The following MRPS18B variants were observed in gnomAD, a reference collection of about 807,000 sequenced individuals.
MRPS18B encodes the protein small ribosomal subunit protein mS40.
In MRPS18B, 27 loss-of-function variants were observed where a neutral mutation model predicts 28.4. That is an observed-to-expected ratio of 0.95 (90% CI 0.70 to 1.31). The LOEUF (loss-of-function observed/expected upper bound fraction) is 1.31, where lower values mean the gene tolerates loss of function less well. Ranked by LOEUF, MRPS18B falls within the 40% of genes most tolerant of loss-of-function variation. The pLI is 0.00. For synonymous variants in MRPS18B, 118 were observed against 123.7 expected (o/e 0.95, Z 0.30); for missense variants, 343 against 335.9 (o/e 1.02, Z -0.17).
chr6:30,617,901 G>T lies in MRPS18B; in HGVS notation c.36G>T (p.Arg12=). 1 of 1,614,212 alleles carries T rather than the reference G, an allele frequency of 6.2e-7. No homozygotes were observed. Among genetic ancestry groups the T allele is most frequent in the Non-Finnish European group, 8.5e-7 (1 of 1,180,040 alleles). The change falls in exon 1 of 7, where the codon CGG becomes CGT. Residue 12 remains arginine, a synonymous_variant. Coordinates refer to ENST00000259873, the MANE Select transcript of MRPS18B (RefSeq NM_014046.4). ...AASVLNTVLR[R]LPMLSLFRGS... is the part of the protein sequence containing the mutation. ...CTGTATTAAACACCGTGCTGAGGCG[G>T]CTTCCTATGCTATCTCTCTTCCGAG...
rs1313242778 is a variant in MRPS18B, at chr6:30,619,562, C to T, written c.148C>T (p.Pro50Ser). 2.5e-6 allele frequency: 4 copies of T among 1,612,960 alleles called. No homozygotes were observed. The highest frequency in any genetic ancestry group is 3.4e-6 in the Non-Finnish European group (4 of 1,179,982). Residue 50 changes from proline (P) to serine (S), a missense_variant, in exon 2 of 7, where the codon CCT (proline) becomes TCT (serine). Coordinates refer to ENST00000259873, the MANE Select transcript of MRPS18B (RefSeq NM_014046.4). Reference sequence around the variant, plus strand: ...TTCTTTGTCCTCAGTTCCCATTTCTCCTTATAAGGATGAGCCCTGGAAATA... The same window carrying T: ...TTCTTTGTCCTCAGTTCCCATTTCTTCTTATAAGGATGAGCCCTGGAAATA... Reference protein sequence around the residue: ...EDSLSSVPISPYKDEPWKYLE... With the variant: ...EDSLSSVPISSYKDEPWKYLE...
chr6:30,624,120 T>C (rs1037813077), intron 5 of MRPS18B, among the ~76,000 whole-genome samples: 2 of 150,362 alleles, frequency 1.3e-5, no homozygotes, highest in Non-Finnish European at 3.0e-5. Flanking sequence ...TGAAATCTCA[T>C]TTACTCTGTC....
At position 30,617,847 on chromosome 6, in the gene MRPS18B, G is replaced by C; in HGVS notation, c.-19G>C. The C allele has an allele frequency of 6.2e-7, 1 of 1,614,086 alleles. No individual in the cohort carries two copies. Among genetic ancestry groups the C allele is most frequent in the Non-Finnish European group, 8.5e-7 (1 of 1,180,044 alleles). ...CGCAGTTGCCTTTCCGTCAATTCCT[G>C]TCCTGGGCGTACGTCAAGATGGCGG... On this transcript the variant is annotated 5_prime_UTR_variant, in exon 1 of 7. Coordinates refer to ENST00000259873, the MANE Select transcript of MRPS18B (RefSeq NM_014046.4).
intron 4 of MRPS18B, 62 bp downstream of exon 4, chr6:30,620,051 C>T (rs781419813): frequency 3.2e-5 from 48 of 1,522,714 alleles, no homozygotes; most frequent in Non-Finnish European, 4.4e-5. Context: ...GGCGCGGTGG[C>T]TCACGCCTGT....
In MRPS18B at chr6:30,622,973, T is replaced by C. The variant is rs868095121; in HGVS notation, c.421+75T>C. On this transcript the variant is annotated intron_variant, in intron 5 of 6. Transcript: ENST00000259873. ...CTTGTTTATGTAGTTGGCCAATAGG[T>C]ATTTGTTCAGTGGCTCCTGCTTATA... 76 of 1,457,824 alleles carry C rather than the reference T, an allele frequency of 5.2e-5. No individual in the cohort carries two copies. The African/African-American group carries it at 7.3e-4, about 14-fold the overall frequency. 90.3% of individuals were successfully genotyped at this position (1,457,824 alleles called of 1,614,324 possible). A position where few individuals can be genotyped will look rare whatever the true frequency, so the allele number is the denominator to read the frequency against.
intron 4 of MRPS18B, among the ~76,000 whole-genome samples, chr6:30,622,289 G>A (rs916697432): frequency 3.3e-5 from 5 of 151,944 alleles, no homozygotes; most frequent in Non-Finnish European, 5.9e-5. Context: ...CAGCCCAGGC[G>A]CGGTGGCTCA....
intron 1 of MRPS18B, among the ~76,000 whole-genome samples, chr6:30,619,079 A>G (rs1317414014): frequency 6.6e-6 from 1 of 151,988 alleles, no homozygotes; most frequent in Non-Finnish European, 1.5e-5. Context: ...CACCACGCCG[A>G]ACTAATTTTT....
rs2302347 is a variant in MRPS18B at position 30,619,836 on chromosome 6, C to G, written c.285+30C>G. 8 of 1,609,806 alleles carry G rather than the reference C, an allele frequency of 5.0e-6. No individual in the cohort carries two copies. The African/African-American group carries it at 1.1e-4, about 22-fold the overall frequency. On this transcript the variant is annotated intron_variant, in intron 3 of 6. Coordinates refer to ENST00000259873, the MANE Select transcript of MRPS18B (RefSeq NM_014046.4). The stretch of plus-strand genomic sequence containing the variant: ...GTTTCTGAGAGTGGGATGTGGAGTG[C>G]GGGGAGGCCACAAGTAACAGTAACA...
At chr6:30,619,439 C>T in intron 1 of MRPS18B, 54 bp from the exon 2 acceptor site, 5 of 1,460,288 alleles carry the variant, frequency 3.4e-6, no homozygotes, top group Non-Finnish European at 4.8e-6. Flanking sequence ...ATAAGCAAAA[C>T]AATTTAGTCC....
In MRPS18B at chr6:30,626,068, C is replaced by A; in HGVS notation, c.*271C>A. 2.4e-6 allele frequency: 1 copy of A among 409,348 alleles called. No homozygotes were observed. 25.4% of individuals were successfully genotyped at this position (409,348 alleles called of 1,614,324 possible). ...GAGTTGCAGTCACACCCCTGCACTC[C>A]AGCCTGGGTGACAGCTAGACCCTGT... On this transcript the variant is annotated 3_prime_UTR_variant, in exon 7 of 7. Transcript: ENST00000259873.
chr6:30,620,296 G>A (rs1761068902), intron 4 of MRPS18B, among the ~76,000 whole-genome samples: 1 of 151,168 alleles, frequency 6.6e-6, no homozygotes, highest in Non-Finnish European at 1.5e-5. Context: ...TAGCCTGGGC[G>A]ACAGAGTGAG....
rs771304582 is a variant in MRPS18B at position 30,624,917 on chromosome 6, G to A, written c.456G>A (p.Gln152=). The change falls in exon 6 of 7, where the codon CAG becomes CAA. Residue 152 remains glutamine (Q), a synonymous_variant. Transcript: ENST00000259873. ...TGAAGCAGCACAAGCGGTTGACCCA[G>A]GCCATCCAGAAAGCCAGGGATCATG... The part of the protein sequence containing the change: ...VCVKQHKRLT[Q]AIQKARDHGL... 4.3e-6 allele frequency: 7 copies of A among 1,613,094 alleles called. No individual in the cohort carries two copies. The South Asian group carries it at 7.7e-5, about 18-fold the overall frequency.
chr6:30,622,561 CAAAAAAAAAAAA>C (rs554297101), intron 4 of MRPS18B, among the ~76,000 whole-genome samples: 86 of 28,594 alleles, frequency 3.0e-3, no homozygotes, highest in African/African-American at 7.6e-3. Flanking sequence ...GACTCTGTCT[CAAAAAAAAAAAA>C]AAAAAAAAAA....
rs1173577089 is a variant in MRPS18B at position 30,617,854 on chromosome 6, G to T, written c.-12G>T. The T allele has an allele frequency of 6.2e-7, 1 of 1,614,058 alleles. No individual in the cohort carries two copies. The highest frequency in any genetic ancestry group is 8.5e-7 in the Non-Finnish European group (1 of 1,180,048). ...GCCTTTCCGTCAATTCCTGTCCTGG[G>T]CGTACGTCAAGATGGCGGCGTCTGT... On this transcript the variant is annotated 5_prime_UTR_variant, in exon 1 of 7. Transcript: ENST00000259873.
At position 30,625,706 on chromosome 6, in the gene MRPS18B, G is replaced by GC. The variant is rs754041696; in HGVS notation, c.692dup (p.Pro232ThrfsTer2). Reference sequence around the variant, plus strand: ...CAGGGTCATCTCCAAGAAGAGAGTGGCCCCCCACCTGAGTCAATGCCCAAG... The same window carrying GC: ...CAGGGTCATCTCCAAGAAGAGAGTGGCCCCCCCACCTGAGTCAATGCCCAAG... On this transcript the variant is annotated frameshift_variant, in exon 7 of 7. Coordinates refer to ENST00000259873, the MANE Select transcript of MRPS18B (RefSeq NM_014046.4). LOFTEE classifies it low-confidence loss of function (END_TRUNC). 14 of 1,612,906 alleles carry GC rather than the reference G, an allele frequency of 8.7e-6. No individual in the cohort carries two copies. The highest frequency in any genetic ancestry group is 1.2e-5 in the Non-Finnish European group (14 of 1,180,020).
chr6:30,619,076 C>G (rs1376592372), intron 1 of MRPS18B, among the ~76,000 whole-genome samples: 1 of 152,122 alleles, frequency 6.6e-6, no homozygotes, highest in African/African-American at 2.4e-5. Context: ...TGCCACCACG[C>G]CGAACTAATT....
rs1761048593 is a variant in MRPS18B at position 30,620,000 on chromosome 6, T to G, written c.354+11T>G. ...CATGTTGACTTTAGGGTAAGGAGAG[T>G]CTTTTCTTTTTAGGGTAAGAAAAAT... On this transcript the variant is annotated intron_variant, in intron 4 of 6. Transcript: ENST00000259873. 6.2e-7 allele frequency: 1 copy of G among 1,612,560 alleles called. No individual in the cohort carries two copies. The highest frequency in any genetic ancestry group is 1.7e-5 in the Admixed American group (1 of 59,956).
At chr6:30,624,789 A>G (rs955912467) in intron 5 of MRPS18B, 94 bp from the exon 6 acceptor site, 60 of 1,422,078 alleles carry the variant, frequency 4.2e-5, no homozygotes, top group Non-Finnish European at 4.7e-5. Context: ...GGTAAAGCCA[A>G]TCCTTCCCAA....
chr6:30,619,994 G>A lies in MRPS18B; in HGVS notation c.354+5G>A, dbSNP rs1048755674. 1.2e-6 allele frequency: 2 copies of A among 1,613,570 alleles called. No homozygotes were observed. Among genetic ancestry groups the A allele is most frequent in the Non-Finnish European group, 1.7e-6 (2 of 1,179,482 alleles). On this transcript the variant is annotated splice_donor_5th_base_variant and intron_variant, in intron 4 of 6. Transcript: ENST00000259873. ...AAGTTGCATGTTGACTTTAGGGTAA[G>A]GAGAGTCTTTTCTTTTTAGGGTAAG...
Sources: gnomAD v4.1 joint callset for allele counts (sites outside exome capture counted in the v4.1 genomes callset) on GRCh38, gnomAD v4.1.1 for gene constraint, MANE v1.5 for transcripts, NCBI Gene and HGNC (gene_info 2026-07-23, HGNC 2026-07-21) for gene names.